The following SDCCAG8 variants were observed in gnomAD, a reference collection of about 807,000 sequenced individuals.
The protein encoded by SDCCAG8 is serologically defined colon cancer antigen 8.
Under a neutral mutation model 101.8 loss-of-function variants are expected in SDCCAG8, and 74 were observed. The observed-to-expected ratio is 0.73, with a 90% confidence interval of 0.60 to 0.88. SDCCAG8 has a LOEUF of 0.88. SDCCAG8 is among the 40% of genes least tolerant of loss of function. The pLI, the probability that SDCCAG8 is intolerant of heterozygous loss-of-function variation, is 0.00. For missense variants in SDCCAG8, 787 were observed against 822.6 expected (o/e 0.96, Z 0.53); for synonymous variants, 281 against 292.9 (o/e 0.96, Z 0.41).
intron 1 of SDCCAG8, among the ~76,000 whole-genome samples, chr1:243,263,819 G>A (rs1419259440): frequency 6.6e-6 from 1 of 152,138 alleles, no homozygotes; most frequent in Non-Finnish European, 1.5e-5. Context: ...AATTGTAATT[G>A]CCTTTCACAA....
Position 243,416,027 on chromosome 1 carries a change from T to C in SDCCAG8, c.1744+198T>C, listed in dbSNP as rs2080560344. 6.6e-6 allele frequency among the ~76,000 whole-genome samples: 1 copy of C among 152,216 alleles called. No individual in the cohort carries two copies. The highest frequency in any genetic ancestry group is 2.4e-5 in the African/African-American group (1 of 41,450). ...GAAAGTATTGCCCACTGTCTGTTGA[T>C]TTCAGAGTGCTGCTCTCACATCTGT... On this transcript the variant is annotated intron_variant, in intron 14 of 17. Transcript: ENST00000366541. The surrounding 1 kb of genome is among the most constrained non-coding windows in gnomAD (Gnocchi z 4.3).
intron 16 of SDCCAG8, among the ~76,000 whole-genome samples, chr1:243,477,032 A>G (rs1662572661): frequency 6.9e-6 from 1 of 144,934 alleles, no homozygotes. Context: ...ACACACACAC[A>G]CAGAGAGAAA....
At chr1:243,407,308 T>C (rs2079855264) in intron 13 of SDCCAG8, among the ~76,000 whole-genome samples, 1 of 152,252 alleles carries the variant, frequency 6.6e-6, no homozygotes, top group Non-Finnish European at 1.5e-5. Context: ...TGCATGGCTT[T>C]GAGAAAAATC....
intron 12 of SDCCAG8, among the ~76,000 whole-genome samples, chr1:243,358,719 T>A (rs1247960301): frequency 1.3e-5 from 2 of 152,140 alleles, no homozygotes; most frequent in Non-Finnish European, 2.9e-5. Flanking sequence ...TATCAACTGA[T>A]GAATGGATAA....
chr1:243,362,608 T>A (rs979267872), intron 12 of SDCCAG8, among the ~76,000 whole-genome samples: 4 of 152,234 alleles, frequency 2.6e-5, no homozygotes, highest in Admixed American at 2.6e-4. Context: ...TAATAATTGC[T>A]CAATACACAC....
intron 1 of SDCCAG8, chr1:243,267,128 A>C: frequency 6.4e-6 from 1 of 156,328 alleles, no homozygotes; most frequent in Non-Finnish European, 1.4e-5. Context: ...CTGTAGTCCC[A>C]GTTTCTCGGG....
intron 4 of SDCCAG8, among the ~76,000 whole-genome samples, chr1:243,281,583 T>C (rs2069047000): frequency 6.6e-6 from 1 of 151,996 alleles, no homozygotes; most frequent in Non-Finnish European, 1.5e-5. Flanking sequence ...CATTTGTTAC[T>C]ATTATCTTCA....
At chr1:243,343,411 T>C (rs941830219) in intron 11 of SDCCAG8, among the ~76,000 whole-genome samples, 2 of 152,208 alleles carry the variant, frequency 1.3e-5, no homozygotes, top group African/African-American at 4.8e-5. Flanking sequence ...TTTTCAAATA[T>C]ATTTCCATTT....
intron 12 of SDCCAG8, among the ~76,000 whole-genome samples, chr1:243,358,867 A>G (rs1372835414): frequency 2.0e-5 from 3 of 152,236 alleles, no homozygotes. Context: ...ACAAAAGACA[A>G]CATATTGTAT....
chr1:243,291,551 A>C (rs1192277836), intron 5 of SDCCAG8, among the ~76,000 whole-genome samples: 2 of 152,132 alleles, frequency 1.3e-5, no homozygotes, highest in Non-Finnish European at 2.9e-5. Context: ...CTGCATGTCA[A>C]CTCTGTTTAT....
intron 8 of SDCCAG8, among the ~76,000 whole-genome samples, chr1:243,313,499 C>T (rs746670636): frequency 4.6e-5 from 7 of 152,162 alleles, no homozygotes; most frequent in Non-Finnish European, 8.8e-5. Context: ...ATGCTTTTCA[C>T]CCCAGAACAC....
intron 16 of SDCCAG8, among the ~76,000 whole-genome samples, chr1:243,434,743 T>C (rs1488250248): frequency 2.6e-5 from 4 of 152,222 alleles, no homozygotes; most frequent in Non-Finnish European, 5.9e-5. Flanking sequence ...TTGTTTATAC[T>C]GTGGTGGGAA....
chr1:243,295,351 C>G (rs919770721), intron 6 of SDCCAG8, among the ~76,000 whole-genome samples: 1 of 152,156 alleles, frequency 6.6e-6, no homozygotes, highest in Non-Finnish European at 1.5e-5. Flanking sequence ...GATTCTCCTG[C>G]CTCAGCACCC....
chr1:243,318,451 C>T (rs2073458194), intron 9 of SDCCAG8: 1 of 467,810 alleles, frequency 2.1e-6, no homozygotes, highest in Non-Finnish European at 2.8e-6. Flanking sequence ...AACAAAACCC[C>T]GTGACATGAG....
chr1:243,419,029 A>G (rs534706147), intron 15 of SDCCAG8, among the ~76,000 whole-genome samples: 1 of 152,254 alleles, frequency 6.6e-6, no homozygotes, highest in African/African-American at 2.4e-5. Flanking sequence ...TTCTGGGAGT[A>G]TCAGGGCATA....
At chr1:243,487,274 C>G (rs372065791) in intron 16 of SDCCAG8, among the ~76,000 whole-genome samples, 191 of 152,228 alleles carry the variant, frequency 1.3e-3, no homozygotes, top group Middle Eastern at 0.01. Context: ...CGGGCCCCCC[C>G]CTGGGGCCTT....
intron 13 of SDCCAG8, among the ~76,000 whole-genome samples, chr1:243,379,962 C>T (rs1280201656): frequency 1.3e-5 from 2 of 152,122 alleles, no homozygotes; most frequent in Non-Finnish European, 2.9e-5. Context: ...TGGTGAACCT[C>T]CCAAAGTTTT....
At chr1:243,269,955 T>G in intron 1 of SDCCAG8, 150 bp from the exon 2 acceptor site, 1 of 1,046,608 alleles carries the variant, frequency 9.6e-7, no homozygotes, top group South Asian at 1.4e-5. Context: ...CTTTGGCACA[T>G]CCCTCAGCAA....
chr1:243,397,753 A>G (rs2079114150), intron 13 of SDCCAG8, among the ~76,000 whole-genome samples: 1 of 152,242 alleles, frequency 6.6e-6, no homozygotes, highest in African/African-American at 2.4e-5. Context: ...CCTGATTTTC[A>G]TTGACTTTCA....
Sources: gnomAD v4.1 joint callset for allele counts (sites outside exome capture counted in the v4.1 genomes callset) on GRCh38, gnomAD v4.1.1 for gene constraint, Gnocchi (gnomAD v3.1) non-coding constraint, MANE v1.5 for transcripts, NCBI Gene and HGNC (gene_info 2026-07-23, HGNC 2026-07-21) for gene names.